SLC12A8: variants seen among roughly 807,000 people sequenced by gnomAD.
The protein encoded by SLC12A8 is cation-chloride cotransporter 9.
SLC12A8 carries 69 observed loss-of-function variants against 75.6 expected under a neutral mutation model. That is an observed-to-expected ratio of 0.91 (90% CI 0.75 to 1.11). The LOEUF is 1.11. Ranked by LOEUF, SLC12A8 falls within the 50% of genes most tolerant of loss-of-function variation. The probability of loss-of-function intolerance (pLI) is 0.00; values close to 1 mark genes in which losing one functional copy is unlikely to be tolerated. For synonymous variants in SLC12A8, 365 were observed against 372.8 expected, an observed-to-expected ratio of 0.98 and a Z score of 0.24; for missense variants, 877 against 896.7, an observed-to-expected ratio of 0.98 and a Z score of 0.28.
chr3:125,109,010 C>T (rs1939110991), intron 9 of SLC12A8, among the ~76,000 whole-genome samples: 1 of 152,220 alleles, frequency 6.6e-6, no homozygotes, highest in South Asian at 2.1e-4. Context: ...ATCACAGTCA[C>T]TGACATAGTT....
chr3:125,118,235 A>C (rs1421697848), intron 8 of SLC12A8, among the ~76,000 whole-genome samples: 1 of 152,198 alleles, frequency 6.6e-6, no homozygotes, highest in Non-Finnish European at 1.5e-5. Flanking sequence ...CCCTCTGGGC[A>C]TCATTATCTG....
chr3:125,151,400 G>A (rs1933919412), intron 5 of SLC12A8: 1 of 154,216 alleles, frequency 6.5e-6, no homozygotes, highest in Non-Finnish European at 1.5e-5. Context: ...CTCATGGAAA[G>A]GGAAGAACAG....
chr3:125,115,633 G>T (rs1939291075), intron 8 of SLC12A8, among the ~76,000 whole-genome samples: 1 of 152,102 alleles, frequency 6.6e-6, no homozygotes, highest in African/African-American at 2.4e-5. Context: ...AACCCAGAAA[G>T]AAACAGATTA....
At position 125,211,632 on chromosome 3, in the gene SLC12A8, T is replaced by C. The variant is rs190632391; in HGVS notation, c.-45-238A>G. 3.1e-3 allele frequency among the ~76,000 whole-genome samples: 465 copies of C among 152,316 alleles called. 4 individuals carry two copies. The highest frequency in any genetic ancestry group is 0.011 in the African/African-American group (444 of 41,568). On this transcript the variant is annotated intron_variant, in intron 1 of 13. Transcript: ENST00000469902. ...CTTGCTGCCCTAGAACCTCAGGCAC[T>C]CCCAGCTCTCTCCTTCCCTGAGCTC...
intron 5 of SLC12A8, among the ~76,000 whole-genome samples, chr3:125,169,358 G>C (rs1229539114): frequency 6.6e-6 from 1 of 152,116 alleles, no homozygotes; most frequent in Non-Finnish European, 1.5e-5. Flanking sequence ...GGAAGGATGG[G>C]ACAGGAGGTG....
At chr3:125,132,544 C>T (rs1933387433) in intron 6 of SLC12A8, among the ~76,000 whole-genome samples, 1 of 152,164 alleles carries the variant, frequency 6.6e-6, no homozygotes, top group African/African-American at 2.4e-5. Context: ...TGATCACTGG[C>T]ATAAGCATTT....
intron 6 of SLC12A8, 40 bp from the exon 7 acceptor site, chr3:125,120,726 C>T: frequency 2.0e-6 from 3 of 1,482,486 alleles, no homozygotes; most frequent in Non-Finnish European, 2.8e-6. Context: ...GAGCAGCCTC[C>T]TCCACGCATC....
chr3:125,116,223 G>A (rs958636386), intron 8 of SLC12A8, among the ~76,000 whole-genome samples: 1 of 152,186 alleles, frequency 6.6e-6, no homozygotes, highest in South Asian at 2.1e-4. Context: ...CATCAGGGTC[G>A]GTTCCATCAC....
At chr3:125,182,200 G>A (rs1045729534) in intron 4 of SLC12A8, among the ~76,000 whole-genome samples, 20 of 152,098 alleles carry the variant, frequency 1.3e-4, no homozygotes, top group African/African-American at 7.2e-5. Flanking sequence ...AGTGGTGCAC[G>A]CCTGTAGTCT....
At chr3:125,163,505 A>G (rs1434770776) in intron 5 of SLC12A8, among the ~76,000 whole-genome samples, 3 of 150,890 alleles carry the variant, frequency 2.0e-5, no homozygotes, top group Non-Finnish European at 4.4e-5. Context: ...AGGCTGAGGC[A>G]GGAGAATGGT....
chr3:125,138,786 T>C (rs372411024), intron 5 of SLC12A8, among the ~76,000 whole-genome samples: 2 of 150,966 alleles, frequency 1.3e-5, no homozygotes, highest in East Asian at 2.0e-4. Context: ...GGTGGGAGGA[T>C]TGCTTGAGCC....
chr3:125,161,058 A>T (rs1489062574), intron 5 of SLC12A8, among the ~76,000 whole-genome samples: 1 of 152,162 alleles, frequency 6.6e-6, no homozygotes, highest in Non-Finnish European at 1.5e-5. Flanking sequence ...ACTGAAAAAC[A>T]CAGTCTATCA....
chr3:125,111,805 C>A (rs1351313503), intron 8 of SLC12A8, among the ~76,000 whole-genome samples: 2 of 152,044 alleles, frequency 1.3e-5, no homozygotes, highest in East Asian at 1.9e-4. Context: ...AAAAAAATTT[C>A]TTTAAAAAAG....
chr3:125,207,714 C>G (rs1935252158), intron 2 of SLC12A8, among the ~76,000 whole-genome samples: 1 of 152,222 alleles, frequency 6.6e-6, no homozygotes. Flanking sequence ...CAGATCGTCA[C>G]AGTCCTGTCT....
intron 6 of SLC12A8, among the ~76,000 whole-genome samples, chr3:125,131,691 G>T (rs61230611): frequency 0.018 from 2,695 of 152,216 alleles, 80 homozygotes; most frequent in African/African-American, 0.062. Flanking sequence ...CCGGGCCCAA[G>T]AATTTTAGTA....
In SLC12A8 at chr3:125,118,753, C is replaced by T. The variant is rs201081430; in HGVS notation, c.912+16G>A. On this transcript the variant is annotated intron_variant, in intron 8 of 13. Transcript: ENST00000469902. Reference sequence around the variant, plus strand: ...CCGGCAGACTGAGCCCTTGGAGTAGCGCAGGCCTCACTCACCTTTTCCGCT... The same window carrying T: ...CCGGCAGACTGAGCCCTTGGAGTAGTGCAGGCCTCACTCACCTTTTCCGCT... 60 of 1,602,514 alleles carry T rather than the reference C, an allele frequency of 3.7e-5. 2 individuals are homozygous for T. The Middle Eastern group carries it at 7.0e-3, about 187-fold the overall frequency.
At chr3:125,131,857 G>A (rs556132303) in intron 6 of SLC12A8, among the ~76,000 whole-genome samples, 34 of 152,314 alleles carry the variant, frequency 2.2e-4, no homozygotes, top group African/African-American at 7.2e-4. Context: ...GAGAGAGGCT[G>A]TTCCCAGGTT....
intron 5 of SLC12A8, among the ~76,000 whole-genome samples, chr3:125,140,641 C>T (rs866144076): frequency 6.6e-6 from 1 of 152,198 alleles, no homozygotes; most frequent in African/African-American, 2.4e-5. Context: ...ATTCAGGCCT[C>T]CATCTACCAC....
chr3:125,172,411 A>C (rs1335666030), intron 5 of SLC12A8, among the ~76,000 whole-genome samples: 2 of 152,090 alleles, frequency 1.3e-5, no homozygotes, highest in Non-Finnish European at 2.9e-5. Context: ...ATACTAAAAC[A>C]GCTCTCAGGA....
Sources: gnomAD v4.1 joint callset for allele counts (sites outside exome capture counted in the v4.1 genomes callset) on GRCh38, gnomAD v4.1.1 for gene constraint, MANE v1.5 for transcripts, NCBI Gene and HGNC (gene_info 2026-07-23, HGNC 2026-07-21) for gene names.